The following CPS1 variants were observed in gnomAD, a reference collection of about 807,000 sequenced individuals.
CPS1 encodes the protein carbamoyl-phosphate synthase [ammonia], mitochondrial.
CPS1 carries 109 observed loss-of-function variants against 174.6 expected under a neutral mutation model. That is an observed-to-expected ratio of 0.62 (90% CI 0.53 to 0.73). The LOEUF is 0.73. Among genes scored for constraint, CPS1 ranks in the 30% least tolerant of loss-of-function variants. CPS1 has a pLI of 0.00. For synonymous variants in CPS1, 637 were observed against 632.0 expected, an observed-to-expected ratio of 1.01 and a Z score of -0.12; for missense variants, 1,689 against 1,821.9, an observed-to-expected ratio of 0.93 and a Z score of 1.33.
At chr2:210,669,797 A>C (rs547310471) in intron 34 of CPS1, among the ~76,000 whole-genome samples, 1 of 152,286 alleles carries the variant, frequency 6.6e-6, no homozygotes, top group East Asian at 1.9e-4. Flanking sequence ...ACTTCCAGTT[A>C]TGGCTTAAAG....
intron 17 of CPS1, among the ~76,000 whole-genome samples, chr2:210,605,750 G>T (rs1428965523): frequency 6.6e-6 from 1 of 151,918 alleles, no homozygotes; most frequent in Non-Finnish European, 1.5e-5. Context: ...TGGAATTTAA[G>T]AAATAAAATA....
At chr2:210,619,288 A>G (rs1699425515) in intron 21 of CPS1, 1 of 152,136 alleles carries the variant, frequency 6.6e-6, no homozygotes, top group Admixed American at 6.6e-5. Flanking sequence ...TCAGACGTAC[A>G]TCACCTCTTT....
At chr2:210,480,087 G>C (rs377153980) in intron 1 of CPS1, among the ~76,000 whole-genome samples, 1 of 152,118 alleles carries the variant, frequency 6.6e-6, no homozygotes, top group Non-Finnish European at 1.5e-5. Flanking sequence ...TCTTAGTTCA[G>C]ATTAGATTTG....
rs565003226 is a variant in CPS1, at chr2:210,594,503, T to C, written c.1165-5T>C. 149 of 1,602,012 alleles carry C rather than the reference T, an allele frequency of 9.3e-5. 2 individuals carry two copies. The Admixed American group carries it at 2.5e-3, about 27-fold the overall frequency. ...TTCTAACTAGTTGGTTGTATTTTTT[T>C]CTAGTACCTGTTTGATTCCTTTTTC... is the stretch of plus-strand genomic sequence containing the variant. On this transcript the variant is annotated splice_region_variant and splice_polypyrimidine_tract_variant and intron_variant, in intron 11 of 37. Coordinates refer to ENST00000233072, the MANE Select transcript of CPS1 (RefSeq NM_001875.5).
Position 210,606,814 on chromosome 2 carries a change from C to A in CPS1, c.2065C>A (p.Arg689Ser), listed in dbSNP as rs147443001. 1.2e-6 allele frequency: 2 copies of A among 1,612,610 alleles called. No individual in the cohort carries two copies. Among genetic ancestry groups the A allele is most frequent in the Non-Finnish European group, 1.7e-6 (2 of 1,179,106 alleles). The stretch of plus-strand genomic sequence containing the variant: ...GAGACGTACTTCAATCAATGTTGTT[C>A]GCCACTTGGGCATTGTGGGTGAATG... The part of the protein sequence containing the change: ...MLRRTSINVV[R>S]HLGIVGECNI... The change falls in exon 18 of 38, where the codon CGC (arginine) becomes AGC (serine). Residue 689 changes from arginine to serine, a missense_variant. Physicochemically the swap from Arg to Ser is moderately radical, Grantham distance 110. Coordinates refer to ENST00000233072, the MANE Select transcript of CPS1 (RefSeq NM_001875.5).
chr2:210,585,412 G>A (rs181212866), intron 6 of CPS1, among the ~76,000 whole-genome samples: 69 of 151,882 alleles, frequency 4.5e-4, no homozygotes, highest in African/African-American at 1.5e-3. Context: ...AAATAGGCAC[G>A]ATCTATTGAG....
At chr2:210,658,473 A>G (rs1034590710) in intron 30 of CPS1, 126 bp from the exon 31 acceptor site, 8 of 696,960 alleles carry the variant, frequency 1.1e-5, no homozygotes, top group Non-Finnish European at 1.8e-5. Context: ...TTATTAATGT[A>G]GATATATAGC....
intron 1 of CPS1, among the ~76,000 whole-genome samples, chr2:210,485,244 A>T (rs1246248733): frequency 7.0e-6 from 1 of 142,130 alleles, no homozygotes; most frequent in East Asian, 2.0e-4. Context: ...AAAAAAAAAA[A>T]ATAAAATAAA....
intron 1 of CPS1, among the ~76,000 whole-genome samples, chr2:210,563,345 A>G (rs1697168290): frequency 6.6e-6 from 1 of 152,144 alleles, no homozygotes. Context: ...TTCTTGCTTT[A>G]TATGGCTGTC....
At chr2:210,650,143 T>C (rs901602042) in intron 27 of CPS1, among the ~76,000 whole-genome samples, 3 of 152,236 alleles carry the variant, frequency 2.0e-5, no homozygotes, top group Non-Finnish European at 2.9e-5. Flanking sequence ...ACAGGTTTAC[T>C]GACCCCCTAC....
At chr2:210,665,659 C>A (rs1183788982) in intron 33 of CPS1, among the ~76,000 whole-genome samples, 18 of 151,790 alleles carry the variant, frequency 1.2e-4, no homozygotes, top group African/African-American at 4.1e-4. Flanking sequence ...ATGAACTCAT[C>A]ATTTTTTATG....
intron 34 of CPS1, chr2:210,673,309 G>A (rs556708486): frequency 1.6e-4 from 25 of 152,292 alleles, no homozygotes; most frequent in African/African-American, 5.8e-4. Flanking sequence ...CTTTGGGTAG[G>A]TCACCTAGTG....
intron 1 of CPS1, among the ~76,000 whole-genome samples, chr2:210,482,526 T>C (rs1694598758): frequency 6.6e-6 from 1 of 152,096 alleles, no homozygotes; most frequent in South Asian, 2.1e-4. Context: ...CTGATCCGCC[T>C]GGCCAAGTGA....
intron 21 of CPS1, among the ~76,000 whole-genome samples, chr2:210,622,801 A>T (rs1427978671): frequency 6.6e-6 from 1 of 151,664 alleles, no homozygotes; most frequent in African/African-American, 2.4e-5. Context: ...CAGGCAAGAA[A>T]AAAAAAGTGA....
At chr2:210,521,052 A>G (rs1695811472) in intron 1 of CPS1, among the ~76,000 whole-genome samples, 3 of 152,072 alleles carry the variant, frequency 2.0e-5, no homozygotes, top group Admixed American at 2.0e-4. Context: ...GCAACATTTT[A>G]TATTCCCACC....
At chr2:210,593,124 A>G (rs1698367223) in intron 11 of CPS1, among the ~76,000 whole-genome samples, 168 bp downstream of exon 11, 1 of 152,026 alleles carries the variant, frequency 6.6e-6, no homozygotes, top group Non-Finnish European at 1.5e-5. Flanking sequence ...AATGTCACAG[A>G]GGAAATTTTT....
intron 1 of CPS1, among the ~76,000 whole-genome samples, chr2:210,503,068 T>C (rs1162281722): frequency 6.6e-6 from 1 of 152,208 alleles, no homozygotes; most frequent in Non-Finnish European, 1.5e-5. Context: ...TTTGCTAAGG[T>C]ATCTCCAGCA....
intron 1 of CPS1, among the ~76,000 whole-genome samples, chr2:210,508,484 C>A (rs1199755422): frequency 1.3e-5 from 2 of 151,882 alleles, no homozygotes; most frequent in African/African-American, 4.8e-5. Context: ...GAAGCAAGAG[C>A]AAACACATTT....
intron 19 of CPS1, among the ~76,000 whole-genome samples, chr2:210,609,112 C>G (rs1699024177): frequency 6.6e-6 from 1 of 151,882 alleles, no homozygotes; most frequent in African/African-American, 2.4e-5. Context: ...TTATTAAGCC[C>G]TCTTTAATTA....
Sources: allele counts gnomAD v4.1 joint callset (sites outside exome capture counted in the v4.1 genomes callset), GRCh38; gene constraint gnomAD v4.1.1; transcripts MANE v1.5; gene names NCBI Gene and HGNC (gene_info 2026-07-23, HGNC 2026-07-21).